SLC22A15: variants seen among roughly 807,000 people sequenced by gnomAD.
SLC22A15 encodes solute carrier family 22 member 15, also known as flipt 1.
A neutral mutation model predicts 62.7 loss-of-function variants in SLC22A15; 45 were observed. The observed-to-expected ratio is 0.72, with a 90% CI of 0.56 to 0.92. The LOEUF (loss-of-function observed/expected upper bound fraction) is 0.92. Ranked by LOEUF, SLC22A15 falls within the 40% of genes least tolerant of loss-of-function variation. The pLI is 0.00. For synonymous variants in SLC22A15, 264 were observed against 267.0 expected (o/e 0.99, Z 0.11); for missense variants, 622 against 665.6 (o/e 0.93, Z 0.72).
At chr1:116,026,850 G>C (rs1354164522) in intron 4 of SLC22A15, 43 bp from the exon 5 acceptor site, 1 of 1,606,682 alleles carries the variant, frequency 6.2e-7, no homozygotes, top group East Asian at 2.2e-5. Context: ...TGGTGCTGCA[G>C]ATGGTGCTTT....
At chr1:116,039,710 CT>C in intron 8 of SLC22A15, among the ~76,000 whole-genome samples, 1 of 152,110 alleles carries the variant, frequency 6.6e-6, no homozygotes, top group East Asian at 1.9e-4. Context: ...ATATGGTCAC[CT>C]TTTTTGTATA....
chr1:116,048,696 A>T lies in SLC22A15; in HGVS notation c.1171+11308A>T, dbSNP rs138685965. 6.5e-4 allele frequency among the ~76,000 whole-genome samples: 99 copies of T among 152,228 alleles called. 3 individuals are homozygous for T. In the East Asian group the frequency reaches 0.017, roughly 26 times the overall value. ...AGTTAAAAAGCAAAAACAACAAAAA[A>T]CCCAAGGTAGACAGGCAAAAAATAG... On this transcript the variant is annotated intron_variant, in intron 8 of 11. Coordinates refer to ENST00000369503, the MANE Select transcript of SLC22A15 (RefSeq NM_018420.3).
rs547335099 is a variant in SLC22A15, at chr1:116,021,032, T to C, written c.598+147T>C. ...GATTTGCTTTTCTGATTTGGTTCTG[T>C]ATGACCCTGAACAAGTCATTTTATT... On this transcript the variant is annotated intron_variant, in intron 4 of 11. Transcript: ENST00000369503. The C allele has an allele frequency of 5.6e-6, 4 of 708,002 alleles. No homozygotes were observed. The South Asian group carries it at 9.7e-5, about 17-fold the overall frequency. The allele number at this position is 708,002 out of a possible 1,614,324, so 43.9% of individuals were successfully genotyped here. A position where few individuals can be genotyped will look rare whatever the true frequency, so the allele number is the denominator to read the frequency against.
At chr1:116,024,148 A>C (rs1656976153) in intron 4 of SLC22A15, among the ~76,000 whole-genome samples, 1 of 152,208 alleles carries the variant, frequency 6.6e-6, no homozygotes, top group South Asian at 2.1e-4. Context: ...AGGCTGCTAT[A>C]GTTGGCCACA....
At chr1:116,029,990 C>T (rs929437037) in intron 5 of SLC22A15, among the ~76,000 whole-genome samples, 9 of 152,128 alleles carry the variant, frequency 5.9e-5, no homozygotes, top group Non-Finnish European at 1.3e-4. Flanking sequence ...ATGGATAGGG[C>T]CAATAAATCC....
At chr1:116,043,474 G>C (rs1301121918) in intron 8 of SLC22A15, among the ~76,000 whole-genome samples, 1 of 152,020 alleles carries the variant, frequency 6.6e-6, no homozygotes, top group Non-Finnish European at 1.5e-5. Flanking sequence ...GGCAAATAAA[G>C]TAATGCTTAG....
intron 4 of SLC22A15, among the ~76,000 whole-genome samples, chr1:116,023,456 T>A (rs897913049): frequency 6.6e-6 from 1 of 152,240 alleles, no homozygotes; most frequent in African/African-American, 2.4e-5. Context: ...CATGTAGTCC[T>A]ATTCCCCTAG....
At chr1:115,976,895 G>A (rs1318214385) in intron 1 of SLC22A15, among the ~76,000 whole-genome samples, 181 bp downstream of exon 1, 1 of 152,042 alleles carries the variant, frequency 6.6e-6, no homozygotes, top group Non-Finnish European at 1.5e-5. Context: ...GGCCCGGCCG[G>A]CAGCGTCAAG....
chr1:115,980,583 GAC>G, intron 1 of SLC22A15, among the ~76,000 whole-genome samples: 1 of 152,070 alleles, frequency 6.6e-6, no homozygotes, highest in East Asian at 1.9e-4. Flanking sequence ...TATACTATGT[GAC>G]ACATATTCTT....
intron 6 of SLC22A15, among the ~76,000 whole-genome samples, chr1:116,033,594 T>TATGTGG (rs3063927): frequency 6.6e-6 from 1 of 150,966 alleles, no homozygotes; most frequent in African/African-American, 2.4e-5. Context: ...TGTGTATGTG[T>TATGTGG]GTGTGTGTGG....
In SLC22A15 at chr1:116,047,969, C is replaced by G. The variant is rs1054425535; in HGVS notation, c.1171+10581C>G. On this transcript the variant is annotated intron_variant, in intron 8 of 11. Transcript: ENST00000369503. The stretch of plus-strand genomic sequence containing the variant: ...AGTCTCAGCTATAGAATTGAACAAG[C>G]AGAAGAAAGAAATTCAAAGCTCTAA... 3.3e-5 allele frequency among the ~76,000 whole-genome samples: 5 copies of G among 152,044 alleles called. No individual in the cohort carries two copies. The Middle Eastern group carries it at 0.01, about 310-fold the overall frequency.
At chr1:116,033,557 C>G (rs2335402) in intron 6 of SLC22A15, among the ~76,000 whole-genome samples, 133,478 of 149,452 alleles carry the variant, frequency 0.89, 60,550 homozygotes, top group East Asian at 1. Context: ...AGGGGTGTCT[C>G]TGTGTGTGTG....
intron 2 of SLC22A15, among the ~76,000 whole-genome samples, chr1:116,016,615 A>G (rs1656543034): frequency 6.6e-6 from 1 of 152,142 alleles, no homozygotes; most frequent in African/African-American, 2.4e-5. Context: ...TAGATGTTTT[A>G]TATGCGTGCT....
intron 8 of SLC22A15, among the ~76,000 whole-genome samples, chr1:116,060,196 A>ATTT (rs1658343645): frequency 6.6e-6 from 1 of 152,200 alleles, no homozygotes; most frequent in Admixed American, 6.5e-5. Flanking sequence ...AAAAGAAATA[A>ATTT]TTTTCTCATA....
chr1:116,005,283 C>G (rs2029664), intron 2 of SLC22A15, among the ~76,000 whole-genome samples: 77,696 of 151,764 alleles, frequency 0.51, 21,597 homozygotes, highest in Non-Finnish European at 0.64. Context: ...TTCTGATATG[C>G]CTATCAGAAA....
intron 6 of SLC22A15, among the ~76,000 whole-genome samples, chr1:116,033,020 A>G (rs1275443300): frequency 6.6e-6 from 1 of 152,192 alleles, no homozygotes; most frequent in Non-Finnish European, 1.5e-5. Flanking sequence ...TGTTCATTTT[A>G]TTTCTTACAC....
chr1:116,067,259 C>A lies in SLC22A15; in HGVS notation c.*151C>A. 1.7e-6 allele frequency: 1 copy of A among 605,972 alleles called. No homozygotes were observed. Among genetic ancestry groups the A allele is most frequent in the Non-Finnish European group, 2.9e-6 (1 of 342,880 alleles). 37.5% of individuals were successfully genotyped at this position (605,972 alleles called of 1,614,324 possible). ...CCTGGCATGGACTGATGTTTTTAGG[C>A]ACAGAAGTTGGAGAAGAGATTTCAT... On this transcript the variant is annotated 3_prime_UTR_variant, in exon 12 of 12. Transcript: ENST00000369503.
intron 8 of SLC22A15, among the ~76,000 whole-genome samples, chr1:116,051,944 C>G (rs1001896980): frequency 6.6e-6 from 1 of 152,234 alleles, no homozygotes. Context: ...CGAATAGGAA[C>G]AGCTCTGGTC....
chr1:115,993,424 TGA>T (rs768827877), intron 2 of SLC22A15, among the ~76,000 whole-genome samples: 69 of 131,920 alleles, frequency 5.2e-4, no homozygotes, highest in African/African-American at 2.4e-3. Flanking sequence ...TGTGAGTGTG[TGA>T]GAGTGTGTGT....
Sources: gnomAD v4.1 joint callset for allele counts (sites outside exome capture counted in the v4.1 genomes callset) on GRCh38, gnomAD v4.1.1 for gene constraint, MANE v1.5 for transcripts, NCBI Gene and HGNC (gene_info 2026-07-23, HGNC 2026-07-21) for gene names.